SUGCT: variants seen among roughly 807,000 people sequenced by gnomAD.
SUGCT encodes succinyl-CoA:glutarate-CoA transferase, also known as succinyl-CoA:glutarate CoA-transferase.
SUGCT carries 41 observed loss-of-function variants against 55.0 expected under a neutral mutation model. That is an observed-to-expected ratio of 0.74 (90% CI 0.58 to 0.97). The LOEUF is 0.97. Ranked by LOEUF, SUGCT falls within the 50% of genes least tolerant of loss-of-function variation. The pLI is 0.00. For missense variants in SUGCT, 568 were observed against 547.8 expected (o/e 1.04, Z -0.37); for synonymous variants, 187 against 200.4 (o/e 0.93, Z 0.56).
chr7:40,178,702 T>C (rs1357160884), intron 1 of SUGCT, among the ~76,000 whole-genome samples: 3 of 152,212 alleles, frequency 2.0e-5, no homozygotes, highest in Non-Finnish European at 4.4e-5. Context: ...ATTTTCACAA[T>C]GATGTCTTGG....
chr7:40,355,456 CTG>C (rs1415805448), intron 9 of SUGCT, among the ~76,000 whole-genome samples: 1 of 152,188 alleles, frequency 6.6e-6, no homozygotes, highest in East Asian at 1.9e-4. Flanking sequence ...TCCTTAGAGA[CTG>C]TGAGATGTTC....
At chr7:40,856,623 A>G (rs1794182533) in intron 13 of SUGCT, among the ~76,000 whole-genome samples, 1 of 151,652 alleles carries the variant, frequency 6.6e-6, no homozygotes, top group South Asian at 2.1e-4. Context: ...TATGGGCTGT[A>G]GGTTAGAATG....
intron 9 of SUGCT, among the ~76,000 whole-genome samples, chr7:40,366,888 CA>C (rs1784005138): frequency 6.6e-6 from 1 of 152,046 alleles, no homozygotes; most frequent in Non-Finnish European, 1.5e-5. Context: ...CTAGAAATAC[CA>C]TTTGACCCAG....
At chr7:40,942,052 A>G in the SUGCT span, among the ~76,000 whole-genome samples, 1 of 152,098 alleles carries the variant, frequency 6.6e-6, no homozygotes, top group Non-Finnish European at 1.5e-5. Context: ...CAGCATTTAG[A>G]CCACATTTAA....
intron 7 of SUGCT, among the ~76,000 whole-genome samples, chr7:40,251,390 A>G (rs1790391367): frequency 6.6e-6 from 1 of 152,220 alleles, no homozygotes; most frequent in South Asian, 2.1e-4. Flanking sequence ...TGTAAATTCT[A>G]TACTGCAACA....
intron 12 of SUGCT, among the ~76,000 whole-genome samples, chr7:40,583,674 A>G (rs548829330): frequency 6.6e-6 from 1 of 152,290 alleles, no homozygotes; most frequent in East Asian, 1.9e-4. Context: ...AAAGTATCTT[A>G]TGGGTTATAA....
downstream of SUGCT, among the ~76,000 whole-genome samples, chr7:40,862,515 C>T (rs1235576476): frequency 6.6e-6 from 1 of 152,168 alleles, no homozygotes; most frequent in Non-Finnish European, 1.5e-5. Flanking sequence ...TGCTTATAAA[C>T]AAATGTGCTG....
the SUGCT span, among the ~76,000 whole-genome samples, chr7:41,013,711 A>C: frequency 6.6e-6 from 1 of 151,872 alleles, no homozygotes; most frequent in East Asian, 1.9e-4. Context: ...TACCTCATAA[A>C]GTTTTGATCA....
At position 40,263,746 on chromosome 7, in the gene SUGCT, A is replaced by G. The variant is rs140287400; in HGVS notation, c.577-10767A>G. ...TCAGGCACTTACAAGGGATCTGGAG[A>G]ATGACACAAATCACTTTGTTACATT... On this transcript the variant is annotated intron_variant, in intron 7 of 13. Transcript: ENST00000335693. Among the ~76,000 whole-genome samples the G allele has an allele frequency of 3.5e-4, 54 of 152,322 alleles. 1 individual carries two copies. Among genetic ancestry groups the G allele is most frequent in the Middle Eastern group, 6.8e-3 (2 of 294 alleles).
the SUGCT span, among the ~76,000 whole-genome samples, chr7:40,988,625 G>A: frequency 1.3e-5 from 2 of 152,164 alleles, no homozygotes; most frequent in South Asian, 2.1e-4. Flanking sequence ...AAAAAAATAT[G>A]CTTTAAATAT....
At chr7:40,492,739 G>A (rs1046607819) in intron 11 of SUGCT, among the ~76,000 whole-genome samples, 6 of 152,064 alleles carry the variant, frequency 3.9e-5, no homozygotes, top group Non-Finnish European at 8.8e-5. Flanking sequence ...GTTTTTGAAC[G>A]CTTTCCTGCC....
chr7:40,459,226 T>C (rs535070459), intron 11 of SUGCT, 28 bp downstream of exon 11: 1 of 1,389,662 alleles, frequency 7.2e-7, no homozygotes, highest in East Asian at 2.3e-5. Flanking sequence ...ATTCATCCAT[T>C]TAAGAATTAA....
At chr7:40,334,721 T>C (rs912914064) in intron 9 of SUGCT, among the ~76,000 whole-genome samples, 9 of 152,360 alleles carry the variant, frequency 5.9e-5, no homozygotes, top group Non-Finnish European at 1.2e-4. Context: ...ACTCTGATGG[T>C]AGTTTCTTTT....
intron 13 of SUGCT, among the ~76,000 whole-genome samples, chr7:40,821,763 C>G (rs1338175371): frequency 1.3e-5 from 2 of 152,134 alleles, no homozygotes; most frequent in African/African-American, 4.8e-5. Context: ...GTCTCTATCT[C>G]CTTCAGTTCT....
chr7:40,702,720 A>G (rs1288945473), intron 12 of SUGCT, among the ~76,000 whole-genome samples: 5 of 152,188 alleles, frequency 3.3e-5, no homozygotes, highest in African/African-American at 1.2e-4. Context: ...GAACTATGTA[A>G]CAAGGTGTTC....
chr7:40,575,126 G>T (rs543948743), intron 12 of SUGCT, among the ~76,000 whole-genome samples: 1 of 139,736 alleles, frequency 7.2e-6, no homozygotes, highest in African/African-American at 3.2e-5. Context: ...TGGCGGGGGT[G>T]GGGGTGGAGA....
the SUGCT span, among the ~76,000 whole-genome samples, chr7:40,885,930 A>G: frequency 1.3e-5 from 2 of 152,192 alleles, no homozygotes; most frequent in African/African-American, 4.8e-5. Context: ...ATTATAACAG[A>G]TAGTTAATGC....
intron 1 of SUGCT, among the ~76,000 whole-genome samples, chr7:40,158,744 T>C (rs1482969690): frequency 6.6e-6 from 1 of 152,208 alleles, no homozygotes; most frequent in Non-Finnish European, 1.5e-5. Context: ...AGTGAGAGTC[T>C]GTCTCAAATA....
At chr7:40,835,890 C>CTTTTTTTTTTTT (rs1011199588) in intron 13 of SUGCT, among the ~76,000 whole-genome samples, 1 of 136,080 alleles carries the variant, frequency 7.3e-6, no homozygotes, top group Non-Finnish European at 1.6e-5. Flanking sequence ...TCTTTTTTTT[C>CTTTTTTTTTTTT]TTTTTTTTTT....
Sources: gnomAD v4.1 joint callset for allele counts (sites outside exome capture counted in the v4.1 genomes callset) on GRCh38, gnomAD v4.1.1 for gene constraint, MANE v1.5 for transcripts, NCBI Gene and HGNC (gene_info 2026-07-23, HGNC 2026-07-21) for gene names.